The following GART variants were observed in gnomAD, a reference collection of about 807,000 sequenced individuals.
The protein encoded by GART is trifunctional purine biosynthetic protein adenosine-3.
Under a neutral mutation model 107.2 loss-of-function variants are expected in GART, and 43 were observed. The observed-to-expected ratio is 0.40, with a 90% CI of 0.31 to 0.52. The LOEUF (loss-of-function observed/expected upper bound fraction) is 0.52, where lower values mean the gene tolerates loss of function less well. Ranked by LOEUF, GART falls within the 20% of genes least tolerant of loss-of-function variation. The pLI, the probability that GART is intolerant of heterozygous loss-of-function variation, is 0.52. For missense variants in GART, 1,107 were observed against 1,206.5 expected (o/e 0.92, Z 1.22); for synonymous variants, 434 against 427.0 (o/e 1.02, Z -0.20).
chr21:33,538,546 A>C (rs1485285391), intron 2 of GART, among the ~76,000 whole-genome samples: 1 of 152,158 alleles, frequency 6.6e-6, no homozygotes, highest in Non-Finnish European at 1.5e-5. Context: ...AGTTGTATTT[A>C]ATAGCAATAC....
intron 1 of GART, among the ~76,000 whole-genome samples, 196 bp downstream of exon 1, chr21:33,541,869 G>T (rs1258431004): frequency 3.3e-5 from 5 of 152,170 alleles, no homozygotes; most frequent in Non-Finnish European, 5.9e-5. Context: ...TAGAAAACAG[G>T]AAAAGTAAAA....
intron 4 of GART, among the ~76,000 whole-genome samples, chr21:33,533,308 G>A (rs1242563957): frequency 6.6e-6 from 1 of 151,730 alleles, no homozygotes; most frequent in Non-Finnish European, 1.5e-5. Flanking sequence ...GAGTGGTGGT[G>A]GGCGCCTGTA....
Position 33,504,245 on chromosome 21 carries a change from G to A in GART, c.2912C>T (p.Thr971Ile). The stretch of plus-strand genomic sequence containing the variant: ...TGCTAATTTTACTCTTTCAGAAAGA[G>A]TTGCGACAGTATCACCCCTCTTCAC... ...VPVKRGDTVA[T>I]LSERVKLAEH... The change falls in exon 22 of 22, where the codon ACT becomes ATT. Residue 971 changes from threonine (T) to isoleucine (I), a missense_variant. Coordinates refer to ENST00000381815, the MANE Select transcript of GART (RefSeq NM_000819.5). 1 of 1,614,222 alleles carries A rather than the reference G, an allele frequency of 6.2e-7. No individual in the cohort carries two copies. Among genetic ancestry groups the A allele is most frequent in the Non-Finnish European group, 8.5e-7 (1 of 1,180,036 alleles).
rs749455383 is a variant in GART at position 33,520,374 on chromosome 21, A to C, written c.1692T>G (p.Cys564Trp). ...GIAKACGKAGCALLGGETAEM... is the reference protein window; with the variant it reads ...GIAKACGKAGWALLGGETAEM... ...AATGGCTGATCATACCAAGGAGAGC[A>C]CATCCAGCTTTTCCACAAGCTTTAG... Residue 564 changes from cysteine (C) to tryptophan (W), a missense_variant, in exon 14 of 22, where the codon TGT becomes TGG. By Grantham distance (215) the Cys-to-Trp change is radical. Transcript: ENST00000381815. 1 of 1,614,120 alleles carries C rather than the reference A, an allele frequency of 6.2e-7. No individual in the cohort carries two copies. The highest frequency in any genetic ancestry group is 8.5e-7 in the Non-Finnish European group (1 of 1,179,938).
rs7277370 is a variant in GART at position 33,532,027 on chromosome 21, T to C, written c.528+318A>G. The C allele has an allele frequency of 3.4e-3, 997 of 297,362 alleles. 8 individuals carry two copies. Among genetic ancestry groups the C allele is most frequent in the African/African-American group, 0.015 (668 of 45,286 alleles). 18.4% of individuals were successfully genotyped at this position (297,362 alleles called of 1,614,324 possible). On this transcript the variant is annotated intron_variant, in intron 5 of 21. Transcript: ENST00000381815. ...ATTTACTTCTCTTAGACCCGGGACA[T>C]GTGGGACAAATACTTTTGTCCTCAT...
In GART at chr21:33,531,542, C is replaced by A; in HGVS notation, c.544G>T (p.Ala182Ser). 6.2e-7 allele frequency: 1 copy of A among 1,611,690 alleles called. No homozygotes were observed. The highest frequency in any genetic ancestry group is 8.5e-7 in the Non-Finnish European group (1 of 1,179,304). ...QEIMQEKAFG[A>S]AGETIVIEEL... ...TCAATGACAATTGTTTCTCCAGCTG[C>A]CCCAAAGGCTTTCTCCTGATTGTAA... Residue 182 changes from alanine (A) to serine (S), a missense_variant, in exon 6 of 22, where the codon GCA becomes TCA. Transcript: ENST00000381815.
Position 33,517,016 on chromosome 21 carries a change from G to A in GART, c.2080C>T (p.Leu694Phe). The A allele has an allele frequency of 6.2e-7, 1 of 1,609,426 alleles. No individual in the cohort carries two copies. The highest frequency in any genetic ancestry group is 8.5e-7 in the Non-Finnish European group (1 of 1,178,858). The change falls in exon 16 of 22, where the codon CTC (leucine) becomes TTC (phenylalanine). Residue 694 changes from leucine to phenylalanine, a missense_variant. Coordinates refer to ENST00000381815, the MANE Select transcript of GART (RefSeq NM_000819.5). ...GGLLENIPRV[L>F]PEKLGVDLDA... Reference sequence around the variant, plus strand: ...AAATCTACCCCAAGTTTCTCAGGGAGGACTCTGGGGATGTTCTCTAGTAAT... The same window carrying A: ...AAATCTACCCCAAGTTTCTCAGGGAAGACTCTGGGGATGTTCTCTAGTAAT...
chr21:33,541,295 C>T (rs563997872), intron 1 of GART, among the ~76,000 whole-genome samples: 7 of 152,254 alleles, frequency 4.6e-5, no homozygotes, highest in East Asian at 1.9e-4. Context: ...TACGGGCGTG[C>T]GCCGCCACGC....
intron 14 of GART, among the ~76,000 whole-genome samples, chr21:33,518,068 T>C (rs2084909065): frequency 6.6e-6 from 1 of 152,234 alleles, no homozygotes; most frequent in East Asian, 1.9e-4. Flanking sequence ...TTATATCATG[T>C]CAAGATATAA....
At chr21:33,528,131 A>G in intron 10 of GART, 36 bp downstream of exon 10, 1 of 1,602,672 alleles carries the variant, frequency 6.2e-7, no homozygotes, top group South Asian at 1.1e-5. Flanking sequence ...GGCACTTGTC[A>G]CGTTGTACTC....
intron 2 of GART, among the ~76,000 whole-genome samples, chr21:33,538,136 C>T (rs1478778080): frequency 1.4e-5 from 2 of 147,106 alleles, no homozygotes; most frequent in Non-Finnish European, 3.0e-5. Flanking sequence ...ACCAGCTACT[C>T]GGGAGGCTGA....
intron 14 of GART, chr21:33,518,536 T>G (rs2084916866): frequency 4.7e-6 from 1 of 212,110 alleles, no homozygotes; most frequent in Admixed American, 5.3e-5. Context: ...AGAGCTGCAG[T>G]GTCCAACAGG....
intron 12 of GART, among the ~76,000 whole-genome samples, chr21:33,521,631 CAAAAAAAAAA>C (rs571421187): frequency 1.7e-4 from 9 of 54,436 alleles, no homozygotes; most frequent in Admixed American, 6.6e-4. Context: ...GACTTTGTCT[CAAAAAAAAAA>C]AAAAAAAAAA....
Position 33,509,842 on chromosome 21 carries a change from G to A in GART, c.2393C>T (p.Thr798Ile), listed in dbSNP as rs765008030. 5 of 1,611,788 alleles carry A rather than the reference G, an allele frequency of 3.1e-6. No individual in the cohort carries two copies. Among genetic ancestry groups the A allele is most frequent in the Non-Finnish European group, 4.2e-6 (5 of 1,178,532 alleles). The change falls in exon 18 of 22, where the codon ACA becomes ATA. Residue 798 changes from threonine to isoleucine, a missense_variant. Coordinates refer to ENST00000381815, the MANE Select transcript of GART (RefSeq NM_000819.5). ...NGSVLKNGSL[T>I]NHFSFEKKKA... ...TTTTTTTTCAAAAGAGAAATGATTT[G>A]TCAGGGAGCCATTCTTCAACACTGA...
Position 33,524,750 on chromosome 21 carries a change from A to G in GART, c.1298+19T>C. On this transcript the variant is annotated intron_variant, in intron 11 of 21. Transcript: ENST00000381815. ...CAGTTTCTGAAATGGCACTACAGCT[A>G]ACTTGCTTAGAGTTTTACCTGGGCT... The G allele has an allele frequency of 6.2e-7, 1 of 1,614,106 alleles. No individual in the cohort carries two copies. Among genetic ancestry groups the G allele is most frequent in the Non-Finnish European group, 8.5e-7 (1 of 1,179,980 alleles).
intron 19 of GART, 33 bp downstream of exon 19, chr21:33,505,941 C>T (rs369045636): frequency 6.8e-6 from 11 of 1,611,646 alleles, no homozygotes; most frequent in African/African-American, 1.3e-5. Context: ...TTAAATATGG[C>T]CCACAGCAAA....
intron 1 of GART, among the ~76,000 whole-genome samples, chr21:33,540,828 G>A (rs955459404): frequency 6.6e-6 from 1 of 152,102 alleles, no homozygotes; most frequent in African/African-American, 2.4e-5. Context: ...CTTGGGCAGG[G>A]TACTATTTAA....
At chr21:33,526,057 G>A (rs954382652) in intron 10 of GART, among the ~76,000 whole-genome samples, 2 of 151,748 alleles carry the variant, frequency 1.3e-5, no homozygotes, top group African/African-American at 4.8e-5. Context: ...TTTTAGTAGA[G>A]ACAGGGTTTC....
chr21:33,524,245 G>T, intron 11 of GART: 2 of 985,554 alleles, frequency 2.0e-6, no homozygotes, highest in Non-Finnish European at 2.4e-6. Flanking sequence ...ATGTGATAAC[G>T]CAAGGAATAA....
Sources: allele counts gnomAD v4.1 joint callset (sites outside exome capture counted in the v4.1 genomes callset), GRCh38; gene constraint gnomAD v4.1.1; transcripts MANE v1.5; gene names NCBI Gene and HGNC (gene_info 2026-07-23, HGNC 2026-07-21).